Variants in SAMMSON observed in about 807,000 individuals in gnomAD.
The protein encoded by SAMMSON is long intergenic non-protein coding RNA 1212.
intron 4 of SAMMSON, among the ~76,000 whole-genome samples, chr3:70,187,500 C>T (rs906181921): frequency 8.9e-5 from 12 of 134,802 alleles, no homozygotes; most frequent in East Asian, 4.5e-4. Context: ...TGCAGTGGCG[C>T]GATCTCGACT....
intron 7 of SAMMSON, among the ~76,000 whole-genome samples, chr3:70,318,945 C>T (rs1702516031): frequency 6.6e-6 from 1 of 151,974 alleles, no homozygotes; most frequent in Non-Finnish European, 1.5e-5. Context: ...CAAATAAATG[C>T]CCAAAGTGCA....
chr3:70,052,459 T>TA, intron 3 of SAMMSON, among the ~76,000 whole-genome samples: 1 of 152,268 alleles, frequency 6.6e-6, no homozygotes, highest in Admixed American at 6.5e-5. Context: ...GTCCACTAGA[T>TA]ATATGTGAAG....
intron 6 of SAMMSON, among the ~76,000 whole-genome samples, chr3:70,281,454 A>G (rs1417409553): frequency 6.6e-6 from 1 of 152,184 alleles, no homozygotes; most frequent in African/African-American, 2.4e-5. Context: ...GTAATCGTGA[A>G]CAGGCCACTT....
At chr3:70,252,596 C>A (rs913402503) in intron 6 of SAMMSON, among the ~76,000 whole-genome samples, 1 of 152,080 alleles carries the variant, frequency 6.6e-6, no homozygotes, top group Non-Finnish European at 1.5e-5. Context: ...AATGAGATAT[C>A]CATGGTAAAC....
chr3:70,118,202 G>A (rs377062630), intron 4 of SAMMSON, among the ~76,000 whole-genome samples: 48 of 152,290 alleles, frequency 3.2e-4, no homozygotes, highest in African/African-American at 1.1e-3. Context: ...GATTACAGGC[G>A]TGAGCCACTG....
At chr3:70,197,296 T>A in intron 4 of SAMMSON, 2 of 397,314 alleles carry the variant, frequency 5.0e-6, no homozygotes, top group Non-Finnish European at 8.9e-6. Context: ...TAATTATTTA[T>A]CCACATTAGG....
At chr3:70,278,477 C>G (rs1702049588) in intron 6 of SAMMSON, among the ~76,000 whole-genome samples, 1 of 152,118 alleles carries the variant, frequency 6.6e-6, no homozygotes, top group South Asian at 2.1e-4. Flanking sequence ...TGGATACTGC[C>G]TAGCAGTTTT....
chr3:70,085,903 C>A (rs994661387), intron 4 of SAMMSON, among the ~76,000 whole-genome samples: 5 of 152,122 alleles, frequency 3.3e-5, no homozygotes, highest in Non-Finnish European at 7.4e-5. Context: ...ACAAATGAAA[C>A]CTTAATCATA....
At chr3:70,298,244 ATTCTGCCACTGGAGT>A (rs1464216757) in intron 7 of SAMMSON, among the ~76,000 whole-genome samples, 1 of 152,036 alleles carries the variant, frequency 6.6e-6, no homozygotes, top group Non-Finnish European at 1.5e-5. Flanking sequence ...ATCATAGTTG[ATTCTGCCACTGGAGT>A]TATTTTTTCC....
At chr3:70,291,142 A>T in intron 6 of SAMMSON, 1 of 152,130 alleles carries the variant, frequency 6.6e-6, no homozygotes, top group East Asian at 1.9e-4. Context: ...TTTACCATAA[A>T]AAGTATTTTT....
At chr3:70,068,115 G>A (rs1340888148) in intron 3 of SAMMSON, 2 of 151,934 alleles carry the variant, frequency 1.3e-5, no homozygotes, top group Non-Finnish European at 2.9e-5. Flanking sequence ...TGGAGAGATA[G>A]ACTCTAACTG....
chr3:70,124,814 C>CAAAAAAAAAAAAAAAAAAAA (rs1208323683), intron 4 of SAMMSON, among the ~76,000 whole-genome samples: 1 of 53,698 alleles, frequency 1.9e-5, no homozygotes, highest in Admixed American at 2.8e-4. Flanking sequence ...GACTCCATCT[C>CAAAAAAAAAAAAAAAAAAAA]AAAAAAAAAA....
intron 9 of SAMMSON, among the ~76,000 whole-genome samples, chr3:70,363,423 A>G (rs903807843): frequency 1.3e-5 from 2 of 152,034 alleles, no homozygotes; most frequent in African/African-American, 4.8e-5. Flanking sequence ...TATACCTAGA[A>G]AAACCTAAAG....
intron 2 of SAMMSON, among the ~76,000 whole-genome samples, chr3:70,412,348 T>G (rs1246154398): frequency 1.3e-5 from 2 of 152,118 alleles, no homozygotes; most frequent in Non-Finnish European, 2.9e-5. Context: ...CATAGTACAT[T>G]TAACAAAATA....
intron 7 of SAMMSON, chr3:70,311,742 T>C (rs1390034807): frequency 2.7e-6 from 1 of 376,988 alleles, no homozygotes; most frequent in Non-Finnish European, 4.7e-6. Context: ...CATAAGAATT[T>C]GAAAAAAAAA....
At chr3:70,365,196 AC>A (rs1308141421) in intron 9 of SAMMSON, among the ~76,000 whole-genome samples, 1 of 151,654 alleles carries the variant, frequency 6.6e-6, no homozygotes, top group Non-Finnish European at 1.5e-5. Flanking sequence ...TTTTCTTAAT[AC>A]ATTTCCTCCC....
intron 3 of SAMMSON, among the ~76,000 whole-genome samples, chr3:70,067,024 A>G (rs952056261): frequency 2.0e-5 from 3 of 152,110 alleles, no homozygotes; most frequent in Non-Finnish European, 4.4e-5. Flanking sequence ...TTCTCAGTCT[A>G]TATATTCAGG....
intron 4 of SAMMSON, among the ~76,000 whole-genome samples, chr3:70,239,636 C>G (rs1701646961): frequency 1.3e-5 from 2 of 152,258 alleles, no homozygotes; most frequent in South Asian, 4.1e-4. Flanking sequence ...CATTTCTAGA[C>G]CTCAGTTTCC....
At chr3:70,392,198 T>A (rs763166410), downstream of SAMMSON, among the ~76,000 whole-genome samples, 59 of 152,316 alleles carry the variant, frequency 3.9e-4, no homozygotes, top group Middle Eastern at 3.4e-3. Context: ...ATCATAATAA[T>A]GATTCTGATT....
Sources: allele counts gnomAD v4.1 joint callset (sites outside exome capture counted in the v4.1 genomes callset), GRCh38; gene constraint gnomAD v4.1.1; transcripts MANE v1.5; gene names NCBI Gene and HGNC (gene_info 2026-07-23, HGNC 2026-07-21).